HS3ST3A1: variants seen among roughly 807,000 people sequenced by gnomAD.
HS3ST3A1 encodes heparan sulfate glucosamine 3-O-sulfotransferase 3A1.
A neutral mutation model predicts 25.7 loss-of-function variants in HS3ST3A1; 19 were observed. That is an observed-to-expected ratio of 0.74 (90% CI 0.52 to 1.08). The LOEUF is 1.08. Ranked by LOEUF, HS3ST3A1 falls within the 50% of genes least tolerant of loss-of-function variation. The pLI, the probability that HS3ST3A1 is intolerant of heterozygous loss-of-function variation, is 0.00. For synonymous variants in HS3ST3A1, 226 were observed against 278.6 expected, an observed-to-expected ratio of 0.81 and a Z score of 1.88; for missense variants, 459 against 594.3, an observed-to-expected ratio of 0.77 and a Z score of 2.37.
intron 1 of HS3ST3A1, among the ~76,000 whole-genome samples, chr17:13,506,414 C>T (rs866641419): frequency 1.3e-5 from 2 of 152,130 alleles, no homozygotes; most frequent in Non-Finnish European, 2.9e-5. Flanking sequence ...TTTAACTTGT[C>T]ATATTTAGAG....
intron 1 of HS3ST3A1, among the ~76,000 whole-genome samples, chr17:13,533,673 A>C (rs533639777): frequency 6.6e-6 from 1 of 152,098 alleles, no homozygotes; most frequent in African/African-American, 2.4e-5. Context: ...AAAGCTTTAG[A>C]TAGGGTCTAT....
At chr17:13,505,274 G>A (rs924296424) in intron 1 of HS3ST3A1, among the ~76,000 whole-genome samples, 6 of 152,306 alleles carry the variant, frequency 3.9e-5, no homozygotes, top group Non-Finnish European at 7.3e-5. Flanking sequence ...ATGGGAACCT[G>A]AGAGAGTTAT....
chr17:13,520,861 C>T (rs1194995158), intron 1 of HS3ST3A1, among the ~76,000 whole-genome samples: 2 of 152,282 alleles, frequency 1.3e-5, no homozygotes, highest in East Asian at 3.9e-4. Flanking sequence ...ATCTGCCCAC[C>T]TCGACCTCCC....
chr17:13,537,566 G>A (rs888886566), intron 1 of HS3ST3A1, among the ~76,000 whole-genome samples: 1 of 152,166 alleles, frequency 6.6e-6, no homozygotes, highest in Non-Finnish European at 1.5e-5. Flanking sequence ...TGAATGGTTT[G>A]AGAGAAATTA....
In HS3ST3A1 at chr17:13,496,194, T is replaced by C; in HGVS notation, c.*3A>G. 1 of 1,588,894 alleles carries C rather than the reference T, an allele frequency of 6.3e-7. No homozygotes were observed. The highest frequency in any genetic ancestry group is 8.6e-7 in the Non-Finnish European group (1 of 1,169,132). On this transcript the variant is annotated 3_prime_UTR_variant, in exon 2 of 2. Coordinates refer to ENST00000284110, the MANE Select transcript of HS3ST3A1 (RefSeq NM_006042.3). ...ATTTTTTTTTTCTTTTTAAATTATA[T>C]GGTTATCCATCCCAGCCAAAGTCGT...
intron 1 of HS3ST3A1, among the ~76,000 whole-genome samples, chr17:13,540,311 T>C (rs946381211): frequency 6.6e-6 from 1 of 152,180 alleles, no homozygotes; most frequent in Non-Finnish European, 1.5e-5. Context: ...GGTTCAGGGT[T>C]AAACATTAAA....
At chr17:13,537,305 T>C (rs2142339507) in intron 1 of HS3ST3A1, among the ~76,000 whole-genome samples, 1 of 152,344 alleles carries the variant, frequency 6.6e-6, no homozygotes, top group East Asian at 1.9e-4. Flanking sequence ...TGGCATATTT[T>C]ATGCATATGT....
At chr17:13,526,881 G>A (rs768839381) in intron 1 of HS3ST3A1, among the ~76,000 whole-genome samples, 2 of 151,878 alleles carry the variant, frequency 1.3e-5, no homozygotes, top group Non-Finnish European at 2.9e-5. Flanking sequence ...TCGAACTCCC[G>A]ACCTCAGGTG....
chr17:13,574,721 A>G (rs911458767), intron 1 of HS3ST3A1, among the ~76,000 whole-genome samples: 8 of 150,366 alleles, frequency 5.3e-5, no homozygotes, highest in Admixed American at 2.0e-4. Context: ...CCATCTGAAA[A>G]CAAAACCAAA....
intron 1 of HS3ST3A1, among the ~76,000 whole-genome samples, chr17:13,595,298 A>G (rs1283457159): frequency 6.6e-6 from 1 of 152,218 alleles, no homozygotes; most frequent in Non-Finnish European, 1.5e-5. Context: ...CTGGAATATG[A>G]TCTCAACAGT....
At chr17:13,508,956 CT>C (rs1905773397) in intron 1 of HS3ST3A1, among the ~76,000 whole-genome samples, 1 of 149,806 alleles carries the variant, frequency 6.7e-6, no homozygotes, top group African/African-American at 2.5e-5. Flanking sequence ...GGGTAAGCAT[CT>C]CTTTAATTTT....
At chr17:13,546,142 C>T (rs1907083604) in intron 1 of HS3ST3A1, among the ~76,000 whole-genome samples, 1 of 152,212 alleles carries the variant, frequency 6.6e-6, no homozygotes, top group South Asian at 2.1e-4. Flanking sequence ...GGACCAACTC[C>T]TCACCACTAA....
chr17:13,543,278 C>T (rs1472827604), intron 1 of HS3ST3A1, among the ~76,000 whole-genome samples: 1 of 152,030 alleles, frequency 6.6e-6, no homozygotes, highest in Non-Finnish European at 1.5e-5. Context: ...GAGACTGAGC[C>T]CTTAACCTAT....
chr17:13,550,839 C>T (rs550917727), intron 1 of HS3ST3A1, among the ~76,000 whole-genome samples: 3 of 152,194 alleles, frequency 2.0e-5, no homozygotes, highest in East Asian at 1.9e-4. Context: ...GAGGCCAAGG[C>T]GGGCAGATCT....
rs1025739953 is a variant in HS3ST3A1 at position 13,496,054 on chromosome 17, C to T, written c.*143G>A. 38 of 1,021,932 alleles carry T rather than the reference C, an allele frequency of 3.7e-5. No homozygotes were observed. The African/African-American group carries it at 4.9e-4, about 13-fold the overall frequency. The allele number at this position is 1,021,932 out of a possible 1,614,324, so 63.3% of individuals were successfully genotyped here. ...GTGTTGGTTATACATTAAGATGGGG[C>T]GGGAGTGAGAACAATCTCTTAACAT... is the stretch of plus-strand genomic sequence containing the variant. On this transcript the variant is annotated 3_prime_UTR_variant, in exon 2 of 2. Transcript: ENST00000284110.
chr17:13,586,029 A>G (rs1285913302), intron 1 of HS3ST3A1, among the ~76,000 whole-genome samples: 6 of 151,086 alleles, frequency 4.0e-5, no homozygotes, highest in South Asian at 4.2e-4. Context: ...TTTGTATTTT[A>G]GTAGAGACGG....
In HS3ST3A1 at chr17:13,495,893, C is replaced by T. The variant is rs1415092281; in HGVS notation, c.*304G>A. ...AAAAAGAGAGAGAGATGTTTAACCTCAAGATTTTCTGAAAACTTTTAATGA... is the reference window on the plus strand; with the variant it reads ...AAAAAGAGAGAGAGATGTTTAACCTTAAGATTTTCTGAAAACTTTTAATGA... On this transcript the variant is annotated 3_prime_UTR_variant, in exon 2 of 2. Coordinates refer to ENST00000284110, the MANE Select transcript of HS3ST3A1 (RefSeq NM_006042.3). The T allele has an allele frequency of 2.9e-5, 7 of 239,038 alleles. No homozygotes were observed. The highest frequency in any genetic ancestry group is 2.6e-4 in the Admixed American group (5 of 19,332). 14.8% of individuals were successfully genotyped at this position (239,038 alleles called of 1,614,324 possible). A position where few individuals can be genotyped will look rare whatever the true frequency, so the allele number is the denominator to read the frequency against.
chr17:13,496,061 G>A lies in HS3ST3A1; in HGVS notation c.*136C>T, dbSNP rs1905254736. 2 of 1,118,616 alleles carry A rather than the reference G, an allele frequency of 1.8e-6. No homozygotes were observed. The highest frequency in any genetic ancestry group is 3.2e-5 in the African/African-American group (2 of 63,354). The allele number at this position is 1,118,616 out of a possible 1,614,324, so 69.3% of individuals were successfully genotyped here. A position where few individuals can be genotyped will look rare whatever the true frequency, so the allele number is the denominator to read the frequency against. On this transcript the variant is annotated 3_prime_UTR_variant, in exon 2 of 2. Transcript: ENST00000284110. ...TTATACATTAAGATGGGGCGGGAGT[G>A]AGAACAATCTCTTAACATTCATTGA...
At chr17:13,567,248 T>C (rs889945176) in intron 1 of HS3ST3A1, among the ~76,000 whole-genome samples, 1 of 152,244 alleles carries the variant, frequency 6.6e-6, no homozygotes, top group African/African-American at 2.4e-5. Flanking sequence ...CATGGTTTAC[T>C]GAATATTTTA....
Sources: allele counts gnomAD v4.1 joint callset (sites outside exome capture counted in the v4.1 genomes callset), GRCh38; gene constraint gnomAD v4.1.1; transcripts MANE v1.5; gene names NCBI Gene and HGNC (gene_info 2026-07-23, HGNC 2026-07-21).